Variants in LPIN2 observed in about 807,000 individuals in gnomAD.
The protein encoded by LPIN2 is phosphatidate phosphatase LPIN2.
LPIN2 carries 55 observed loss-of-function variants against 111.4 expected under a neutral mutation model. The ratio of observed to expected loss-of-function variants is 0.49; its 90% CI spans 0.40 to 0.62. LPIN2 has a LOEUF of 0.62. Ranked by LOEUF, LPIN2 falls within the 20% of genes least tolerant of loss-of-function variation. LPIN2 has a pLI of 0.00. For missense variants in LPIN2, 992 were observed against 1,112.1 expected, an observed-to-expected ratio of 0.89 and a Z score of 1.54; for synonymous variants, 425 against 414.0, an observed-to-expected ratio of 1.03 and a Z score of -0.32.
chr18:2,943,469 T>C (rs969633732), intron 4 of LPIN2, among the ~76,000 whole-genome samples: 1 of 151,044 alleles, frequency 6.6e-6, no homozygotes, highest in African/African-American at 2.4e-5. Flanking sequence ...TATAAATCAA[T>C]GTTTTGATCA....
rs752540529 is a variant in LPIN2 at position 2,937,985 on chromosome 18, G to T, written c.875C>A (p.Pro292Gln). 3 of 1,614,086 alleles carry T rather than the reference G, an allele frequency of 1.9e-6. No homozygotes were observed. The South Asian group carries it at 3.3e-5, about 18-fold the overall frequency. ...DHHPRTATIT[P>Q]SENTHFRVIP... ...TACCCGAAAATGAGTATTTTCTGAT[G>T]GTGTAATTGTAGCTGTCCTAGGATG... Residue 292 changes from proline (P) to glutamine (Q), a missense_variant, in exon 7 of 20, where the codon CCA becomes CAA. Physicochemically the swap from Pro to Gln is moderately conservative, Grantham distance 76 (BLOSUM62 -1). Transcript: ENST00000677752.
chr18:2,956,288 T>A (rs1372237833), intron 2 of LPIN2, among the ~76,000 whole-genome samples: 2 of 127,342 alleles, frequency 1.6e-5, no homozygotes, highest in Non-Finnish European at 3.3e-5. Context: ...TGTGCCCTCA[T>A]GATTTTCATA....
chr18:2,935,950 T>C (rs1381020880), intron 7 of LPIN2, among the ~76,000 whole-genome samples: 1 of 152,214 alleles, frequency 6.6e-6, no homozygotes, highest in Non-Finnish European at 1.5e-5. Context: ...ACAGGAGTCA[T>C]TAGTTCCAAA....
At chr18:2,934,930 T>A (rs2077265204) in intron 7 of LPIN2, among the ~76,000 whole-genome samples, 1 of 152,246 alleles carries the variant, frequency 6.6e-6, no homozygotes, top group Non-Finnish European at 1.5e-5. Context: ...AATGGATAGA[T>A]GTGGCAGATA....
intron 17 of LPIN2, 95 bp downstream of exon 17, chr18:2,921,952 C>A: frequency 6.8e-7 from 1 of 1,471,288 alleles, no homozygotes. Flanking sequence ...GCGGCTCCAA[C>A]ATCTGACTTC....
chr18:2,942,957 C>T (rs1233417336), intron 4 of LPIN2, among the ~76,000 whole-genome samples: 2 of 152,202 alleles, frequency 1.3e-5, no homozygotes, highest in African/African-American at 4.8e-5. Context: ...TAAACGGTGA[C>T]TTTCAGTCAG....
At position 2,918,865 on chromosome 18, in the gene LPIN2, G is replaced by C. The variant is rs2144101473; in HGVS notation, c.*1428C>G. 1.3e-5 allele frequency: 2 copies of C among 152,340 alleles called. No homozygotes were observed. The highest frequency in any genetic ancestry group is 4.1e-4 in the South Asian group (2 of 4,820). The allele number at this position is 152,340 out of a possible 1,614,324, so 9.4% of individuals were successfully genotyped here. ...TCCACTACAACGGCAGGGGCATGAA[G>C]AGTTGGCCACGAGACCACCCCGAGC... On this transcript the variant is annotated 3_prime_UTR_variant, in exon 20 of 20. Coordinates refer to ENST00000677752, the MANE Select transcript of LPIN2 (RefSeq NM_001375808.2).
At chr18:2,965,662 A>C (rs1407120935) in intron 1 of LPIN2, among the ~76,000 whole-genome samples, 1 of 146,614 alleles carries the variant, frequency 6.8e-6, no homozygotes, top group Non-Finnish European at 1.5e-5. Context: ...CCCGGGAGGC[A>C]GAGGTTGCAG....
intron 1 of LPIN2, among the ~76,000 whole-genome samples, chr18:2,976,579 A>G (rs2078020673): frequency 6.6e-6 from 1 of 152,172 alleles, no homozygotes; most frequent in South Asian, 2.1e-4. Context: ...CATGTTTTTT[A>G]AAATGTTTAA....
intron 1 of LPIN2, among the ~76,000 whole-genome samples, chr18:3,008,989 G>A (rs531394149): frequency 2.2e-4 from 33 of 149,214 alleles, no homozygotes; most frequent in Non-Finnish European, 3.7e-4. Context: ...ACATCTGTCC[G>A]GGTGCGGTGG....
chr18:2,986,722 G>A lies in LPIN2; in HGVS notation c.-9-25873C>T, dbSNP rs978108190. Among the ~76,000 whole-genome samples, 21 of 152,276 alleles carry A rather than the reference G, an allele frequency of 1.4e-4. 1 individual carries two copies. The highest frequency in any genetic ancestry group is 9.6e-4 in the East Asian group (5 of 5,182). ...TAACCCTTCCAACACAAATGTTTGA[G>A]GTCAAGCTTTTACCCACTATTTGGA... is the stretch of plus-strand genomic sequence containing the variant. On this transcript the variant is annotated intron_variant, in intron 1 of 19. Transcript: ENST00000677752.
Position 2,926,734 on chromosome 18 carries a change from C to T in LPIN2, c.1782G>A (p.Pro594=), listed in dbSNP as rs763809465. ...ASDLPSSSKE[P]AGARPAENDS... ...GACAGGGCACCCACCTGGCACCGGC[C>T]GGCTCCTTGGAGCTGGATGGCAGGT... is the stretch of plus-strand genomic sequence containing the variant. The change falls in exon 13 of 20, where the codon CCG becomes CCA. Residue 594 remains proline, a synonymous_variant. Transcript: ENST00000677752. 9.3e-6 allele frequency: 15 copies of T among 1,612,818 alleles called. No individual in the cohort carries two copies. In the Admixed American group the frequency reaches 1.3e-4, roughly 14 times the overall value.
chr18:2,971,819 G>C (rs868364819), intron 1 of LPIN2, among the ~76,000 whole-genome samples: 4 of 150,906 alleles, frequency 2.7e-5, no homozygotes, highest in African/African-American at 4.9e-5. Context: ...AGGCCGAGGC[G>C]GGGGGTGGAT....
At chr18:2,975,824 C>G (rs1231894165) in intron 1 of LPIN2, among the ~76,000 whole-genome samples, 1 of 152,188 alleles carries the variant, frequency 6.6e-6, no homozygotes, top group Non-Finnish European at 1.5e-5. Flanking sequence ...AAAAGGCACA[C>G]AATTTCAGCA....
intron 3 of LPIN2, among the ~76,000 whole-genome samples, chr18:2,954,072 G>A (rs1032135031): frequency 6.6e-6 from 1 of 152,106 alleles, no homozygotes; most frequent in African/African-American, 2.4e-5. Flanking sequence ...TCAAGGTGAG[G>A]GATGTAATAT....
At chr18:2,937,167 C>T (rs916548263) in intron 7 of LPIN2, among the ~76,000 whole-genome samples, 2 of 152,142 alleles carry the variant, frequency 1.3e-5, no homozygotes, top group Non-Finnish European at 1.5e-5. Context: ...TGAGTAGCAA[C>T]AGTCAAGAGA....
At chr18:2,950,967 C>G in intron 4 of LPIN2, 88 bp downstream of exon 4, 1 of 1,388,880 alleles carries the variant, frequency 7.2e-7, no homozygotes, top group South Asian at 1.2e-5. Flanking sequence ...AAACCTCACA[C>G]TGTGTATCCA....
chr18:2,957,064 C>T (rs1161349915), intron 2 of LPIN2, among the ~76,000 whole-genome samples: 1 of 151,418 alleles, frequency 6.6e-6, no homozygotes, highest in African/African-American at 2.5e-5. Context: ...AAAAATAACC[C>T]CTCATTTCCA....
intron 2 of LPIN2, among the ~76,000 whole-genome samples, chr18:2,957,742 G>C (rs1042076153): frequency 2.6e-5 from 4 of 152,164 alleles, no homozygotes; most frequent in Non-Finnish European, 5.9e-5. Flanking sequence ...AGAGAGCAGA[G>C]GTGGGGAAAG....
Sources: allele counts gnomAD v4.1 joint callset (sites outside exome capture counted in the v4.1 genomes callset), GRCh38; gene constraint gnomAD v4.1.1; transcripts MANE v1.5; gene names NCBI Gene and HGNC (gene_info 2026-07-23, HGNC 2026-07-21).